The following CIRSR variants were observed in gnomAD, a reference collection of about 807,000 sequenced individuals.
CIRSR encodes corepressor of RBPJ and splicing regulator, also known as CBF1 (RBPJ) interacting corepressor 1.
At chr2:174,382,587 C>T in the CIRSR span, among the ~76,000 whole-genome samples, 765 of 152,142 alleles carry the variant, frequency 5.0e-3, 7 homozygotes, top group African/African-American at 0.015. Flanking sequence ...TGCAGTGAGC[C>T]GAGATCGTGC....
the CIRSR span, among the ~76,000 whole-genome samples, chr2:174,365,047 T>C: frequency 6.6e-6 from 1 of 152,214 alleles, no homozygotes; most frequent in Non-Finnish European, 1.5e-5. Context: ...TTTCATGCTC[T>C]GCTTCCCTTA....
At chr2:174,356,589 A>G in the CIRSR span, among the ~76,000 whole-genome samples, 11 of 108,412 alleles carry the variant, frequency 1.0e-4, no homozygotes, top group South Asian at 3.3e-3. Context: ...GAAAGAAAGA[A>G]AGAGGGAGGG....
At chr2:174,348,568 A>C in the CIRSR span, 6 of 1,613,918 alleles carry the variant, frequency 3.7e-6, no homozygotes, top group Non-Finnish European at 5.1e-6. Flanking sequence ...CCTCTATACA[A>C]GTCTGTGCCA....
the CIRSR span, among the ~76,000 whole-genome samples, chr2:174,368,167 G>GTAACTGA: frequency 6.6e-6 from 1 of 152,180 alleles, no homozygotes; most frequent in African/African-American, 2.4e-5. Context: ...GACAGATTCA[G>GTAACTGA]CAAGCAGAAA....
At chr2:174,369,423 G>C in the CIRSR span, among the ~76,000 whole-genome samples, 2 of 152,180 alleles carry the variant, frequency 1.3e-5, no homozygotes, top group Admixed American at 1.3e-4. Flanking sequence ...CAGCAGTAAG[G>C]CTGTTTCACT....
chr2:174,348,666 G>T, the CIRSR span: 1 of 1,614,198 alleles, frequency 6.2e-7, no homozygotes, highest in East Asian at 2.2e-5. Flanking sequence ...GTAACTACCA[G>T]GACTTCTGCT....
the CIRSR span, chr2:174,387,492 G>A: frequency 1.2e-5 from 6 of 493,420 alleles, no homozygotes; most frequent in African/African-American, 4.1e-5. Flanking sequence ...TATATTTTAC[G>A]TGAATTATGG....
the CIRSR span, among the ~76,000 whole-genome samples, chr2:174,356,531 A>AAGGAAGGAAGGAAGG: frequency 2.2e-5 from 3 of 133,570 alleles, no homozygotes; most frequent in Admixed American, 7.8e-5. Flanking sequence ...AAGAAAGAAG[A>AAGGAAGGAAGGAAGG]AAGGAAGGAA....
the CIRSR span, chr2:174,387,525 T>C: frequency 3.0e-6 from 2 of 663,596 alleles, no homozygotes; most frequent in Non-Finnish European, 4.7e-6. Context: ...AAAGTGGTCA[T>C]CTACAGGTAT....
the CIRSR span, among the ~76,000 whole-genome samples, chr2:174,392,860 T>C: frequency 6.6e-6 from 1 of 152,204 alleles, no homozygotes; most frequent in African/African-American, 2.4e-5. Context: ...GATAGCTGTC[T>C]TGAGCCACAT....
chr2:174,366,017 T>C, the CIRSR span, among the ~76,000 whole-genome samples: 2 of 152,134 alleles, frequency 1.3e-5, no homozygotes, highest in Non-Finnish European at 2.9e-5. Context: ...AGCAAAGAGA[T>C]GGAAACTCTT....
chr2:174,392,407 T>A, the CIRSR span, among the ~76,000 whole-genome samples: 1 of 152,196 alleles, frequency 6.6e-6, no homozygotes, highest in East Asian at 1.9e-4. Context: ...TACATGGGTG[T>A]TTGTATGATA....
chr2:174,376,945 C>T, the CIRSR span, among the ~76,000 whole-genome samples: 1 of 151,930 alleles, frequency 6.6e-6, no homozygotes, highest in Non-Finnish European at 1.5e-5. Context: ...GTTAACTATT[C>T]AGTTAGCACA....
the CIRSR span, among the ~76,000 whole-genome samples, chr2:174,373,550 C>T: frequency 6.6e-6 from 1 of 152,118 alleles, no homozygotes; most frequent in Non-Finnish European, 1.5e-5. Flanking sequence ...CCTGTAATTT[C>T]ACCTAATTAA....
chr2:174,382,531 C>A, the CIRSR span, among the ~76,000 whole-genome samples: 1 of 151,968 alleles, frequency 6.6e-6, no homozygotes, highest in Non-Finnish European at 1.5e-5. Context: ...CCCAGCTACT[C>A]GGGAGGCTGA....
the CIRSR span, chr2:174,379,078 G>GT: frequency 7.2e-7 from 1 of 1,388,090 alleles, no homozygotes; most frequent in East Asian, 2.3e-5. Context: ...TACTAAAAAA[G>GT]TAAGAATCTA....
At chr2:174,391,055 G>T in the CIRSR span, among the ~76,000 whole-genome samples, 1 of 152,132 alleles carries the variant, frequency 6.6e-6, no homozygotes, top group African/African-American at 2.4e-5. Flanking sequence ...CTTCTTTTGG[G>T]TGGTAAAGTT....
the CIRSR span, among the ~76,000 whole-genome samples, chr2:174,394,244 CTAAATA>C: frequency 4.6e-5 from 7 of 152,118 alleles, no homozygotes; most frequent in South Asian, 2.1e-4. Context: ...ATATTTGTCT[CTAAATA>C]TAAACAGCAA....
At chr2:174,385,643 CA>C in the CIRSR span, among the ~76,000 whole-genome samples, 3 of 151,724 alleles carry the variant, frequency 2.0e-5, no homozygotes, top group African/African-American at 7.3e-5. Flanking sequence ...CAAAACAAAA[CA>C]GGGTTGGTGC....
Sources: gnomAD v4.1 joint callset for allele counts (sites outside exome capture counted in the v4.1 genomes callset) on GRCh38, gnomAD v4.1.1 for gene constraint, MANE v1.5 for transcripts, NCBI Gene and HGNC (gene_info 2026-07-23, HGNC 2026-07-21) for gene names.